TP63: variants seen among roughly 807,000 people sequenced by gnomAD.
The protein encoded by TP63 is tumor protein 63.
Under a neutral mutation model 82.8 loss-of-function variants are expected in TP63, and 17 were observed. That is an observed-to-expected ratio of 0.21 (90% CI 0.14 to 0.31). The LOEUF is 0.31. TP63 is among the 10% of genes least tolerant of loss of function. TP63 has a pLI of 1.00. For synonymous variants in TP63, 330 were observed against 321.7 expected, an observed-to-expected ratio of 1.03 and a Z score of -0.28; for missense variants, 648 against 895.3, an observed-to-expected ratio of 0.72 and a Z score of 3.52.
chr3:189,858,133 C>T (rs1399891523), intron 4 of TP63, among the ~76,000 whole-genome samples: 56,915 of 91,244 alleles, frequency 0.62, 19,341 homozygotes, highest in Middle Eastern at 0.76. Context: ...AGGCCGGGCG[C>T]GGTGGCTCAC....
intron 3 of TP63, among the ~76,000 whole-genome samples, chr3:189,774,402 T>C (rs60059444): frequency 0.18 from 28,048 of 152,094 alleles, 2,905 homozygotes; most frequent in East Asian, 0.28. Context: ...TGTAGCGATT[T>C]TGCAACCATC....
At chr3:189,764,650 GACAT>G (rs1722807659) in intron 3 of TP63, among the ~76,000 whole-genome samples, 2 of 152,208 alleles carry the variant, frequency 1.3e-5, no homozygotes, top group African/African-American at 4.8e-5. Flanking sequence ...GTTTAGGAAA[GACAT>G]ACAATTCACT....
At chr3:189,602,389 A>G in the TP63 span, among the ~76,000 whole-genome samples, 1 of 152,162 alleles carries the variant, frequency 6.6e-6, no homozygotes, top group African/African-American at 2.4e-5. Flanking sequence ...TGGGGTGATC[A>G]GTGCATCACA....
intron 3 of TP63, among the ~76,000 whole-genome samples, chr3:189,799,919 T>C (rs1323654306): frequency 6.6e-6 from 1 of 152,182 alleles, no homozygotes; most frequent in Non-Finnish European, 1.5e-5. Flanking sequence ...TGAGCATCTA[T>C]TATGTTTCAG....
intron 4 of TP63, among the ~76,000 whole-genome samples, chr3:189,840,242 A>G (rs1270470904): frequency 6.6e-6 from 1 of 151,278 alleles, no homozygotes; most frequent in African/African-American, 2.4e-5. Context: ...TTTTTTTTTC[A>G]TGCAGTAATC....
chr3:189,619,412 A>G, the TP63 span, among the ~76,000 whole-genome samples: 2 of 152,158 alleles, frequency 1.3e-5, no homozygotes, highest in Non-Finnish European at 2.9e-5. Flanking sequence ...GCCCCTATCT[A>G]TATTTCCAGG....
At chr3:189,714,062 T>C (rs1380187332) in intron 1 of TP63, among the ~76,000 whole-genome samples, 2 of 152,208 alleles carry the variant, frequency 1.3e-5, no homozygotes, top group African/African-American at 4.8e-5. Flanking sequence ...ATTTTCCAAC[T>C]CTTCATTTTA....
chr3:189,707,914 T>G lies in TP63; in HGVS notation c.63-29826T>G, dbSNP rs542142299. On this transcript the variant is annotated intron_variant, in intron 1 of 13. Coordinates refer to ENST00000264731, the MANE Select transcript of TP63 (RefSeq NM_003722.5). The stretch of plus-strand genomic sequence containing the variant: ...TATTTATGTGGCATTGTACATTGCG[T>G]ACATACATATACAAAGACATGCAAG... Among the ~76,000 whole-genome samples, 43 of 152,332 alleles carry G rather than the reference T, an allele frequency of 2.8e-4. 2 individuals are homozygous for G. The highest frequency in any genetic ancestry group is 1.0e-3 in the African/African-American group (42 of 41,586).
At chr3:189,606,830 A>T in the TP63 span, among the ~76,000 whole-genome samples, 6 of 151,952 alleles carry the variant, frequency 3.9e-5, no homozygotes, top group Non-Finnish European at 8.8e-5. Context: ...ATGATCTCTT[A>T]ATATACTTGT....
chr3:189,738,532 CA>C, intron 2 of TP63, 109 bp from the exon 3 acceptor site: 1 of 1,523,858 alleles, frequency 6.6e-7, no homozygotes, highest in Non-Finnish European at 9.0e-7. Flanking sequence ...TCCAAGAAAC[CA>C]ATGAGCCTTG....
upstream of TP63, among the ~76,000 whole-genome samples, chr3:189,627,886 AC>A (rs1173614884): frequency 2.7e-4 from 41 of 152,164 alleles, no homozygotes; most frequent in African/African-American, 9.4e-4. Context: ...TGTAAATTAT[AC>A]CTCATAAAGT....
chr3:189,741,890 A>G (rs1232627738), intron 3 of TP63, among the ~76,000 whole-genome samples: 1 of 152,140 alleles, frequency 6.6e-6, no homozygotes, highest in Non-Finnish European at 1.5e-5. Flanking sequence ...GCTCTCCAAA[A>G]AATTTGACAT....
At chr3:189,706,673 C>G (rs1197700258) in intron 1 of TP63, among the ~76,000 whole-genome samples, 1 of 152,170 alleles carries the variant, frequency 6.6e-6, no homozygotes, top group Non-Finnish European at 1.5e-5. Flanking sequence ...TTTTTTCCAA[C>G]CAGTACCAAT....
chr3:189,785,517 G>A (rs1452566025), intron 3 of TP63, among the ~76,000 whole-genome samples: 1 of 151,832 alleles, frequency 6.6e-6, no homozygotes, highest in African/African-American at 2.4e-5. Flanking sequence ...CTTCAACTAG[G>A]GTTTAGAGAA....
chr3:189,795,413 T>C (rs1194296034), intron 3 of TP63, among the ~76,000 whole-genome samples: 3 of 152,110 alleles, frequency 2.0e-5, no homozygotes, highest in Non-Finnish European at 4.4e-5. Context: ...TAAAACAGAA[T>C]TGGTAAAAGA....
At chr3:189,766,187 G>C (rs1244235798) in intron 3 of TP63, among the ~76,000 whole-genome samples, 1 of 152,090 alleles carries the variant, frequency 6.6e-6, no homozygotes, top group Non-Finnish European at 1.5e-5. Context: ...AACATAGCAA[G>C]ACCTCATCTA....
upstream of TP63, among the ~76,000 whole-genome samples, chr3:189,630,329 T>C (rs1729413695): frequency 6.6e-6 from 1 of 151,810 alleles, no homozygotes; most frequent in Non-Finnish European, 1.5e-5. Context: ...CTATCCTAAC[T>C]GAGCTTCTGA....
At chr3:189,735,142 T>C (rs910836263) in intron 1 of TP63, among the ~76,000 whole-genome samples, 9 of 152,178 alleles carry the variant, frequency 5.9e-5, no homozygotes, top group Non-Finnish European at 1.5e-5. Flanking sequence ...TGTTGATTAC[T>C]TTTCATTTTG....
chr3:189,649,244 A>G (rs1171400272), intron 1 of TP63, among the ~76,000 whole-genome samples: 1 of 147,050 alleles, frequency 6.8e-6, no homozygotes, highest in African/African-American at 2.5e-5. Flanking sequence ...TGGAATCAAC[A>G]TAAATGCCCA....
Sources: allele counts gnomAD v4.1 joint callset (sites outside exome capture counted in the v4.1 genomes callset), GRCh38; gene constraint gnomAD v4.1.1; transcripts MANE v1.5; gene names NCBI Gene and HGNC (gene_info 2026-07-23, HGNC 2026-07-21).